Variants in CSMD2 observed in about 807,000 individuals in gnomAD.
The protein encoded by CSMD2 is CUB and sushi domain-containing protein 2.
CSMD2 carries 130 observed loss-of-function variants against 398.5 expected under a neutral mutation model. The ratio of observed to expected loss-of-function variants is 0.33; its 90% CI spans 0.28 to 0.38. The LOEUF (loss-of-function observed/expected upper bound fraction) is 0.38, where lower values mean the gene tolerates loss of function less well. CSMD2 is among the 10% of genes least tolerant of loss of function. The pLI, the probability that CSMD2 is intolerant of heterozygous loss-of-function variation, is 1.00. For missense variants in CSMD2, 3,829 were observed against 4,764.9 expected, an observed-to-expected ratio of 0.80 and a Z score of 5.78; for synonymous variants, 1,828 against 1,908.5, an observed-to-expected ratio of 0.96 and a Z score of 1.10.
At chr1:33,938,953 TG>T (rs1269122211) in intron 3 of CSMD2, among the ~76,000 whole-genome samples, 4 of 152,068 alleles carry the variant, frequency 2.6e-5, no homozygotes, top group Admixed American at 2.6e-4. Context: ...CATCATCCCA[TG>T]CTGCTGGCTT....
At chr1:34,159,342 C>G (rs1447198878) in intron 1 of CSMD2, among the ~76,000 whole-genome samples, 10 of 141,304 alleles carry the variant, frequency 7.1e-5, no homozygotes, top group Non-Finnish European at 1.3e-4. Context: ...CCCCCCCACC[C>G]AGGAGCTTGT....
chr1:33,908,031 G>A (rs1457203055), intron 5 of CSMD2, among the ~76,000 whole-genome samples: 1 of 144,870 alleles, frequency 6.9e-6, no homozygotes, highest in African/African-American at 2.6e-5. Flanking sequence ...AGGCTGCAGT[G>A]AGCGAGATTG....
At chr1:33,710,332 G>A (rs2149156021) in intron 21 of CSMD2, among the ~76,000 whole-genome samples, 1 of 152,278 alleles carries the variant, frequency 6.6e-6, no homozygotes, top group Non-Finnish European at 1.5e-5. Flanking sequence ...TTGAGGGCTA[G>A]GGTCATGCTG....
intron 25 of CSMD2, among the ~76,000 whole-genome samples, chr1:33,673,397 G>C (rs1267495263): frequency 6.6e-6 from 1 of 152,220 alleles, no homozygotes; most frequent in Non-Finnish European, 1.5e-5. Flanking sequence ...GAAGCGAGAA[G>C]AGAAGTTTAG....
In CSMD2 at chr1:33,928,840, G is replaced by C. The variant is rs145479121; in HGVS notation, c.712+6920C>G. On this transcript the variant is annotated intron_variant, in intron 4 of 70. Transcript: ENST00000373381. ...TAGTGTTTAGTGCCTTCTCCATGTT[G>C]TTAAATTTGATCAACACAATGGTGT... Among the ~76,000 whole-genome samples, 8 of 152,330 alleles carry C rather than the reference G, an allele frequency of 5.3e-5. No individual in the cohort carries two copies. The East Asian group carries it at 1.4e-3, about 26-fold the overall frequency.
In CSMD2 at chr1:33,617,584, A is replaced by G. The variant is rs754962045; in HGVS notation, c.5861T>C (p.Val1954Ala). ...VGLSSCPEPA[V>A]PSNGVKTGER... ...GCCAGTCTTCACCCCGTTACTGGGC[A>G]CAGCAGGTTCCGGACAACTGCTCAG... Residue 1954 changes from valine to alanine, a missense_variant, in exon 38 of 71, where the codon GTG (valine) becomes GCG (alanine). By Grantham distance (64) the Val-to-Ala change is moderately conservative. This residue lies in a region of CSMD2 where 2,001 missense variants were observed against 2,567.1 expected (regional missense o/e 0.78). Transcript: ENST00000373381. 3.3e-5 allele frequency: 53 copies of G among 1,614,030 alleles called. No individual in the cohort carries two copies. The Admixed American group carries it at 8.8e-4, about 27-fold the overall frequency.
In CSMD2 at chr1:34,131,566, G is replaced by A. The variant is rs374114348; in HGVS notation, c.187+33345C>T. Among the ~76,000 whole-genome samples the A allele has an allele frequency of 8.6e-4, 131 of 152,144 alleles. 1 individual carries two copies. The highest frequency in any genetic ancestry group is 2.9e-3 in the African/African-American group (120 of 41,498). On this transcript the variant is annotated intron_variant, in intron 1 of 70. Transcript: ENST00000373381. The stretch of plus-strand genomic sequence containing the variant: ...ACTCCAGGGACCTAGCTTGAGGGGG[G>A]CTTACTCACCATCAGGAACTGCAGG...
chr1:33,775,505 G>A (rs1013094309), intron 12 of CSMD2, among the ~76,000 whole-genome samples: 2 of 152,168 alleles, frequency 1.3e-5, no homozygotes, highest in African/African-American at 4.8e-5. Flanking sequence ...CTTCTTGGAG[G>A]ATGTGGTCCT....
intron 2 of CSMD2, among the ~76,000 whole-genome samples, chr1:34,053,094 C>A (rs1252158262): frequency 3.3e-5 from 5 of 152,016 alleles, no homozygotes; most frequent in African/African-American, 1.2e-4. Context: ...AACCCCTAAT[C>A]AGAACATGCT....
rs1208351721 is a variant in CSMD2, at chr1:33,918,195, C to T, written c.819G>A (p.Leu273=). Residue 273 remains leucine, a synonymous_variant, in exon 5 of 71, where the codon CTG becomes CTA. Transcript: ENST00000373381. ...HNNADCTWTI[L]AELGDTIALV... ...GGGCGATGGTGTCCCCCAGCTCAGCCAGGATGGTCCATGTGCAGTCGGCAT... is the reference window on the plus strand; with the variant it reads ...GGGCGATGGTGTCCCCCAGCTCAGCTAGGATGGTCCATGTGCAGTCGGCAT... 6.2e-7 allele frequency: 1 copy of T among 1,614,060 alleles called. No homozygotes were observed. The highest frequency in any genetic ancestry group is 1.3e-5 in the African/African-American group (1 of 74,922).
chr1:34,141,017 T>C (rs1639239309), intron 1 of CSMD2, among the ~76,000 whole-genome samples: 2 of 152,070 alleles, frequency 1.3e-5, no homozygotes, highest in Non-Finnish European at 2.9e-5. Context: ...CATTTCCTCC[T>C]GTGAATATAG....
chr1:33,767,182 C>T (rs1650618073), intron 13 of CSMD2, among the ~76,000 whole-genome samples: 1 of 152,188 alleles, frequency 6.6e-6, no homozygotes, highest in East Asian at 1.9e-4. Context: ...GTAAGATTCA[C>T]AGCAGAATAT....
chr1:33,899,114 G>A (rs1180287164), intron 5 of CSMD2, among the ~76,000 whole-genome samples: 1 of 152,206 alleles, frequency 6.6e-6, no homozygotes, highest in Non-Finnish European at 1.5e-5. Context: ...AAATGACACG[G>A]GCCATTTATC....
intron 10 of CSMD2, among the ~76,000 whole-genome samples, chr1:33,804,348 C>G (rs1249755718): frequency 6.6e-6 from 1 of 152,216 alleles, no homozygotes; most frequent in African/African-American, 2.4e-5. Flanking sequence ...TGAATTACTT[C>G]CAGTTCTAAG....
intron 5 of CSMD2, among the ~76,000 whole-genome samples, chr1:33,886,576 TTG>T (rs1641612130): frequency 6.6e-6 from 1 of 152,130 alleles, no homozygotes. Context: ...TGAGTGCTGC[TTG>T]TTCCTCTGCC....
chr1:33,541,545 C>A (rs998143665), intron 58 of CSMD2, among the ~76,000 whole-genome samples: 42 of 152,230 alleles, frequency 2.8e-4, no homozygotes, highest in African/African-American at 9.9e-4. Context: ...TGGCTCACTG[C>A]AGCCTCGAAC....
chr1:33,859,709 T>C (rs1399246325), intron 5 of CSMD2, among the ~76,000 whole-genome samples: 1 of 152,118 alleles, frequency 6.6e-6, no homozygotes, highest in Non-Finnish European at 1.5e-5. Flanking sequence ...TTCAAAGCAT[T>C]TGACATACAC....
rs548066600 is a variant in CSMD2, at chr1:33,864,553, T to C, written c.921-17557A>G. 8.4e-5 allele frequency: 135 copies of C among 1,614,042 alleles called. No individual in the cohort carries two copies. The East Asian group carries it at 2.7e-3, about 32-fold the overall frequency. On this transcript the variant is annotated intron_variant, in intron 5 of 70. Coordinates refer to ENST00000373381, the MANE Select transcript of CSMD2 (RefSeq NM_001281956.2). ...AGGGAGAACCCGAACTGGTCGGTGG[T>C]GCAGGTGGCCAAGGCCACAGGGAAG...
intron 29 of CSMD2, among the ~76,000 whole-genome samples, chr1:33,639,964 T>A (rs1454291013): frequency 9.2e-5 from 14 of 152,202 alleles, no homozygotes; most frequent in Admixed American, 9.2e-4. Context: ...AATATGGTGA[T>A]CAGAGAGGCC....
Sources: allele counts gnomAD v4.1 joint callset (sites outside exome capture counted in the v4.1 genomes callset), GRCh38; gene constraint gnomAD v4.1.1; regional missense constraint gnomAD v4.1.1; transcripts MANE v1.5; gene names NCBI Gene and HGNC (gene_info 2026-07-23, HGNC 2026-07-21).